The following TBC1D5 variants were observed in gnomAD, a reference collection of about 807,000 sequenced individuals.
The protein encoded by TBC1D5 is TBC1 domain family member 5, also known as TBC1 domain family, member 5.
TBC1D5 carries 75 observed loss-of-function variants against 100.3 expected under a neutral mutation model. That is an observed-to-expected ratio of 0.75 (90% CI 0.62 to 0.91). The LOEUF is 0.91. Among genes scored for constraint, TBC1D5 ranks in the 40% least tolerant of loss-of-function variants. The probability of loss-of-function intolerance (pLI) is 0.00; values close to 1 mark genes in which losing one functional copy is unlikely to be tolerated. For synonymous variants in TBC1D5, 323 were observed against 325.6 expected, an observed-to-expected ratio of 0.99 and a Z score of 0.09; for missense variants, 910 against 942.4, an observed-to-expected ratio of 0.97 and a Z score of 0.45.
At chr3:17,683,796 C>A (rs1458114898) in intron 1 of TBC1D5, among the ~76,000 whole-genome samples, 1 of 152,136 alleles carries the variant, frequency 6.6e-6, no homozygotes, top group African/African-American at 2.4e-5. Context: ...CTGTGAAGAT[C>A]AACGAATAAT....
intron 17 of TBC1D5, among the ~76,000 whole-genome samples, chr3:17,225,174 C>G (rs1365006244): frequency 6.6e-6 from 1 of 152,144 alleles, no homozygotes; most frequent in African/African-American, 2.4e-5. Context: ...CGCGGTGGCT[C>G]ACGCCTGTAA....
rs115924657 is a variant in TBC1D5, at chr3:17,392,403, C to T, written c.510-8388G>A. Among the ~76,000 whole-genome samples the T allele has an allele frequency of 9.9e-3, 1,511 of 151,974 alleles. 28 individuals carry two copies. Among genetic ancestry groups the T allele is most frequent in the African/African-American group, 0.034 (1,410 of 41,448 alleles). ...AATTATACTTTTAAGTTCCGGGAAA[C>T]GTGTAGAATGTGCAGGTTTGTTACA... On this transcript the variant is annotated intron_variant, in intron 8 of 21. Coordinates refer to ENST00000253692, the Ensembl canonical transcript of TBC1D5.
At chr3:17,627,741 CAA>C (rs1219101913) in intron 1 of TBC1D5, among the ~76,000 whole-genome samples, 2 of 150,510 alleles carry the variant, frequency 1.3e-5, no homozygotes, top group Non-Finnish European at 3.0e-5. Flanking sequence ...TCTGAGGAAA[CAA>C]AAACTTTTAA....
intron 2 of TBC1D5, among the ~76,000 whole-genome samples, chr3:17,604,913 C>T (rs1264222179): frequency 3.9e-5 from 6 of 152,052 alleles, no homozygotes; most frequent in Non-Finnish European, 8.8e-5. Context: ...GGGCCTCAAG[C>T]GATCCACCTG....
chr3:17,285,424 C>A (rs912526081), intron 15 of TBC1D5, among the ~76,000 whole-genome samples: 16 of 151,260 alleles, frequency 1.1e-4, no homozygotes, highest in Middle Eastern at 3.2e-3. Context: ...CCACGCCCGG[C>A]TAATTTTTTG....
intron 4 of TBC1D5, among the ~76,000 whole-genome samples, chr3:17,427,963 G>A (rs550162743): frequency 2.2e-4 from 33 of 151,932 alleles, no homozygotes; most frequent in Admixed American, 4.6e-4. Context: ...TAATTGAGAA[G>A]TAATAGCCCT....
rs185960590 is a variant in TBC1D5, at chr3:17,211,314, T to C, written c.1752+2893A>G. ...CTAGAGAAAACCCTTCCAAATCTCC[T>C]GCCTGAAGGGCTATACATACTGGTG... On this transcript the variant is annotated intron_variant, in intron 18 of 21. Transcript: ENST00000253692. Among the ~76,000 whole-genome samples the C allele has an allele frequency of 5.2e-4, 79 of 152,322 alleles. 1 individual carries two copies. The highest frequency in any genetic ancestry group is 3.9e-4 in the Admixed American group (6 of 15,308).
intron 1 of TBC1D5, among the ~76,000 whole-genome samples, chr3:17,735,345 T>C (rs2076882210): frequency 6.6e-6 from 1 of 152,182 alleles, no homozygotes; most frequent in Admixed American, 6.5e-5. Context: ...ACTAATGACA[T>C]GAGTAATATC....
intron 2 of TBC1D5, among the ~76,000 whole-genome samples, chr3:17,509,189 G>C (rs2095875148): frequency 6.6e-6 from 1 of 151,456 alleles, no homozygotes; most frequent in Non-Finnish European, 1.5e-5. Context: ...AAACAATTGT[G>C]TGTCTATAAT....
At chr3:17,734,283 G>A (rs940660247) in intron 1 of TBC1D5, among the ~76,000 whole-genome samples, 3 of 152,080 alleles carry the variant, frequency 2.0e-5, no homozygotes, top group Non-Finnish European at 4.4e-5. Context: ...GGCGGAGGGG[G>A]AGAGAAATCC....
At chr3:17,256,429 A>AAT (rs1278738063) in intron 16 of TBC1D5, among the ~76,000 whole-genome samples, 4 of 147,088 alleles carry the variant, frequency 2.7e-5, no homozygotes, top group Admixed American at 6.8e-5. Flanking sequence ...TTATATATAT[A>AAT]ATATATATAT....
chr3:17,482,727 A>C (rs1024863717), intron 3 of TBC1D5, among the ~76,000 whole-genome samples: 2 of 152,236 alleles, frequency 1.3e-5, no homozygotes, highest in African/African-American at 4.8e-5. Flanking sequence ...ATTTTAAAGC[A>C]AAAGACGAAC....
rs547908557 is a variant in TBC1D5 at position 17,336,487 on chromosome 3, C to T, written c.996-28353G>A. On this transcript the variant is annotated intron_variant, in intron 13 of 21. Coordinates refer to ENST00000253692, the Ensembl canonical transcript of TBC1D5. ...TTGGTTCTGCAGCTAAAATAGGTCA[C>T]GGCTGAGGTCTCTGCAACTCTCTTT... 5.3e-5 allele frequency among the ~76,000 whole-genome samples: 8 copies of T among 152,168 alleles called. 1 individual carries two copies. Among genetic ancestry groups the T allele is most frequent in the South Asian group, 4.1e-4 (2 of 4,824 alleles).
chr3:17,287,337 C>T (rs1281994849), intron 15 of TBC1D5, among the ~76,000 whole-genome samples: 1 of 152,198 alleles, frequency 6.6e-6, no homozygotes, highest in Non-Finnish European at 1.5e-5. Flanking sequence ...AGGATCCAGT[C>T]CTAAGGCGTA....
chr3:17,508,322 C>T (rs896828813), intron 3 of TBC1D5, 152 bp downstream of exon 3: 4 of 540,898 alleles, frequency 7.4e-6, no homozygotes, highest in Non-Finnish European at 1.3e-5. Flanking sequence ...GTCAAGAGTG[C>T]TCTGTACATA....
At chr3:17,731,232 G>A in intron 1 of TBC1D5, among the ~76,000 whole-genome samples, 1 of 152,184 alleles carries the variant, frequency 6.6e-6, no homozygotes. Flanking sequence ...GCTGGGTGCA[G>A]TGACTCACGC....
At chr3:17,207,145 G>A (rs980907782) in intron 18 of TBC1D5, among the ~76,000 whole-genome samples, 1 of 151,984 alleles carries the variant, frequency 6.6e-6, no homozygotes, top group Non-Finnish European at 1.5e-5. Context: ...TCACTATGTT[G>A]CCTAGGCTGA....
At chr3:17,280,778 C>G (rs539472811) in intron 15 of TBC1D5, among the ~76,000 whole-genome samples, 8 of 152,282 alleles carry the variant, frequency 5.3e-5, no homozygotes, top group African/African-American at 1.7e-4. Flanking sequence ...GGACACCAAG[C>G]GTGTGGATGC....
intron 15 of TBC1D5, among the ~76,000 whole-genome samples, chr3:17,268,370 TCTG>T (rs1559520503): frequency 6.6e-6 from 1 of 152,138 alleles, no homozygotes; most frequent in Non-Finnish European, 1.5e-5. Context: ...CACAGAATCC[TCTG>T]CTTTCTGGTA....
Sources: allele counts gnomAD v4.1 joint callset (sites outside exome capture counted in the v4.1 genomes callset), GRCh38; gene constraint gnomAD v4.1.1; transcripts MANE v1.5; gene names NCBI Gene and HGNC (gene_info 2026-07-23, HGNC 2026-07-21).